The following NRG1 variants were observed in gnomAD, a reference collection of about 807,000 sequenced individuals.
The protein encoded by NRG1 is pro-neuregulin-1, membrane-bound isoform.
NRG1 carries 18 observed loss-of-function variants against 63.8 expected under a neutral mutation model. That is an observed-to-expected ratio of 0.28 (90% confidence interval 0.19 to 0.42). The LOEUF is 0.42. Ranked by LOEUF, NRG1 falls within the 10% of genes least tolerant of loss-of-function variation. NRG1 has a pLI of 1.00. For missense variants in NRG1, 762 were observed against 814.7 expected (o/e 0.94, Z 0.79); for synonymous variants, 302 against 301.3 (o/e 1.00, Z -0.02).
chr8:32,616,325 CT>C (rs1196186959), intron 4 of NRG1, among the ~76,000 whole-genome samples: 1 of 152,040 alleles, frequency 6.6e-6, no homozygotes, highest in Admixed American at 6.6e-5. Context: ...CTCTAGCAGA[CT>C]TTGCATGGAC....
At chr8:32,732,064 T>C (rs1021362034) in intron 6 of NRG1, among the ~76,000 whole-genome samples, 7 of 152,200 alleles carry the variant, frequency 4.6e-5, no homozygotes, top group Non-Finnish European at 4.4e-5. Flanking sequence ...ATTAAACATA[T>C]TAACAGTGAA....
chr8:32,558,835 C>A (rs572016759), intron 1 of NRG1, among the ~76,000 whole-genome samples: 1 of 152,038 alleles, frequency 6.6e-6, no homozygotes, highest in South Asian at 2.1e-4. Context: ...AATCCCAACA[C>A]TTTGGGAAGC....
At position 32,268,574 on chromosome 8, in the gene NRG1, T is replaced by C. The variant is rs1160176722; in HGVS notation, c.38-327254T>C. Among the ~76,000 whole-genome samples the C allele has an allele frequency of 2.0e-5, 3 of 152,294 alleles. No individual in the cohort carries two copies. In the East Asian group the frequency reaches 5.8e-4, roughly 29 times the overall value. ...CTCCCTATTAGCATGTGCATGTGTG[T>C]GTGTGTCCATGTGTCCATACATGAG... is the stretch of plus-strand genomic sequence containing the variant. On this transcript the variant is annotated intron_variant, in intron 1 of 10. Transcript: ENST00000519301.
At chr8:32,190,381 C>G (rs866708509) in intron 1 of NRG1, among the ~76,000 whole-genome samples, 1 of 152,230 alleles carries the variant, frequency 6.6e-6, no homozygotes, top group African/African-American at 2.4e-5. Context: ...CTGGTTCACT[C>G]TGTTCTGTAC....
At chr8:32,435,564 T>C (rs1016700736) in intron 1 of NRG1, among the ~76,000 whole-genome samples, 1 of 152,192 alleles carries the variant, frequency 6.6e-6, no homozygotes. Context: ...AGTGAGCTAT[T>C]GTATTTGTGG....
At chr8:31,939,967 G>C (rs1244681357) in intron 1 of NRG1, among the ~76,000 whole-genome samples, 6 of 152,124 alleles carry the variant, frequency 3.9e-5, no homozygotes, top group African/African-American at 1.4e-4. Flanking sequence ...CACAATAGTA[G>C]TGGGGGACTT....
chr8:31,899,036 A>C (rs1019013573), intron 1 of NRG1, among the ~76,000 whole-genome samples: 3 of 152,060 alleles, frequency 2.0e-5, no homozygotes, highest in Non-Finnish European at 2.9e-5. Context: ...AATACAATTT[A>C]TTTTCTCTCT....
At chr8:31,729,812 G>A (rs996289006) in intron 1 of NRG1, among the ~76,000 whole-genome samples, 4 of 152,136 alleles carry the variant, frequency 2.6e-5, no homozygotes, top group African/African-American at 4.8e-5. Context: ...AATGCTTGAG[G>A]ATCTGTTCAT....
chr8:32,292,007 C>T (rs1167198323), intron 1 of NRG1, among the ~76,000 whole-genome samples: 1 of 152,124 alleles, frequency 6.6e-6, no homozygotes, highest in African/African-American at 2.4e-5. Context: ...TGTTGGTATC[C>T]TCTGTTGCAA....
intron 1 of NRG1, among the ~76,000 whole-genome samples, chr8:32,446,500 CA>C: frequency 6.6e-6 from 1 of 152,058 alleles, no homozygotes; most frequent in East Asian, 1.9e-4. Flanking sequence ...ACAAAAAATA[CA>C]AAAATTAGCT....
At chr8:32,306,512 G>C (rs1011783154) in intron 1 of NRG1, among the ~76,000 whole-genome samples, 1 of 152,140 alleles carries the variant, frequency 6.6e-6, no homozygotes, top group Admixed American at 6.6e-5. Context: ...TGAAATTAAT[G>C]GACTCAGGGC....
chr8:31,835,308 A>G (rs1346593279), intron 1 of NRG1, among the ~76,000 whole-genome samples: 1 of 152,220 alleles, frequency 6.6e-6, no homozygotes, highest in East Asian at 1.9e-4. Context: ...ATTCTCATTC[A>G]TTCTGTAAAA....
chr8:32,223,011 T>C (rs1467283882), intron 1 of NRG1, among the ~76,000 whole-genome samples: 1 of 152,240 alleles, frequency 6.6e-6, no homozygotes, highest in African/African-American at 2.4e-5. Flanking sequence ...TCAGATGTTT[T>C]GTAGTGCAAC....
chr8:32,084,896 T>A (rs1827991239), intron 1 of NRG1, among the ~76,000 whole-genome samples: 1 of 152,180 alleles, frequency 6.6e-6, no homozygotes, highest in Non-Finnish European at 1.5e-5. Flanking sequence ...AATGTTTCTC[T>A]ATTTGAAGGA....
chr8:32,583,536 C>T (rs1841074504), intron 1 of NRG1, among the ~76,000 whole-genome samples: 1 of 152,096 alleles, frequency 6.6e-6, no homozygotes, highest in Non-Finnish European at 1.5e-5. Flanking sequence ...ACAAACAAAA[C>T]AAAAGATACT....
chr8:32,212,537 T>C (rs1055523269), intron 1 of NRG1, among the ~76,000 whole-genome samples: 4 of 152,182 alleles, frequency 2.6e-5, no homozygotes, highest in Non-Finnish European at 5.9e-5. Flanking sequence ...AGTACCATAT[T>C]GGACAGGAGA....
At position 32,179,217 on chromosome 8, in the gene NRG1, G is replaced by A. The variant is rs181992095; in HGVS notation, c.38-416611G>A. Among the ~76,000 whole-genome samples the A allele has an allele frequency of 8.5e-5, 12 of 141,110 alleles. No homozygotes were observed. The East Asian group carries it at 1.0e-3, about 12-fold the overall frequency. 92.6% of individuals were successfully genotyped at this position (141,110 alleles called of 152,430 possible). A position where few individuals can be genotyped will look rare whatever the true frequency, so the allele number is the denominator to read the frequency against. ...AAAAAAAAAAAAAAAAAAAAAAGTA[G>A]GAGGGAGTGCCTATATCCAGTAGAA... is the stretch of plus-strand genomic sequence containing the variant. On this transcript the variant is annotated intron_variant, in intron 1 of 10. Transcript: ENST00000519301.
At chr8:32,339,221 C>T (rs1487156) in intron 1 of NRG1, among the ~76,000 whole-genome samples, 78,971 of 151,896 alleles carry the variant, frequency 0.52, 21,400 homozygotes, top group Non-Finnish European at 0.61. Context: ...GTTGAATATA[C>T]ACCCATGGTG....
At chr8:32,190,173 G>GTATTATTATTAT (rs376743930) in intron 1 of NRG1, among the ~76,000 whole-genome samples, 30 of 150,114 alleles carry the variant, frequency 2.0e-4, no homozygotes, top group South Asian at 1.7e-3. Context: ...TTATCAAAAT[G>GTATTATTATTAT]TATTATTATT....
Sources: gnomAD v4.1 joint callset for allele counts (sites outside exome capture counted in the v4.1 genomes callset) on GRCh38, gnomAD v4.1.1 for gene constraint, MANE v1.5 for transcripts, NCBI Gene and HGNC (gene_info 2026-07-23, HGNC 2026-07-21) for gene names.